ABCB1: variants seen among roughly 807,000 people sequenced by gnomAD.
ABCB1 encodes the protein ATP-dependent translocase ABCB1.
In ABCB1, 69 loss-of-function variants were observed where a neutral mutation model predicts 142.0. The ratio of observed to expected loss-of-function variants is 0.49; its 90% CI spans 0.40 to 0.59. The LOEUF (loss-of-function observed/expected upper bound fraction) is 0.59, where lower values mean the gene tolerates loss of function less well. Ranked by LOEUF, ABCB1 falls within the 20% of genes least tolerant of loss-of-function variation. The pLI, the probability that ABCB1 is intolerant of heterozygous loss-of-function variation, is 0.00. For synonymous variants in ABCB1, 532 were observed against 539.2 expected (o/e 0.99, Z 0.18); for missense variants, 1,326 against 1,554.7 (o/e 0.85, Z 2.47).
At chr7:87,609,671 A>G (rs1819781961) in intron 1 of ABCB1, among the ~76,000 whole-genome samples, 1 of 152,104 alleles carries the variant, frequency 6.6e-6, no homozygotes, top group African/African-American at 2.4e-5. Context: ...TGTCATCTTG[A>G]TTTTATTTTT....
intron 4 of ABCB1, among the ~76,000 whole-genome samples, 182 bp downstream of exon 4, chr7:87,585,330 T>C (rs1368210256): frequency 6.6e-6 from 1 of 152,202 alleles, no homozygotes; most frequent in Non-Finnish European, 1.5e-5. Flanking sequence ...AGTTGTGTGT[T>C]GTAATGCTTG....
chr7:87,505,897 C>A lies in ABCB1; in HGVS notation c.3636G>T (p.Lys1212Asn), dbSNP rs1451623254. The change falls in exon 27 of 28, where the codon AAG becomes AAT. Residue 1212 changes from lysine to asparagine, a missense_variant and splice_region_variant. Physicochemically the swap from Lys to Asn is moderately conservative, Grantham distance 94. Transcript: ENST00000622132. ...ATSALDTESE[K>N]VVQEALDKAR... ...GGATGAACCCAATTTAAATTCTTACCTTTTCACTTTCTGTATCCAGAGCTG... is the reference window on the plus strand; with the variant it reads ...GGATGAACCCAATTTAAATTCTTACATTTTCACTTTCTGTATCCAGAGCTG... The A allele has an allele frequency of 2.5e-6, 4 of 1,614,060 alleles. No homozygotes were observed. Among genetic ancestry groups the A allele is most frequent in the Non-Finnish European group, 3.4e-6 (4 of 1,180,000 alleles).
At chr7:87,546,185 T>C (rs918243537) in intron 14 of ABCB1, among the ~76,000 whole-genome samples, 161 bp from the exon 15 acceptor site, 8 of 152,266 alleles carry the variant, frequency 5.3e-5, no homozygotes, top group African/African-American at 1.9e-4. Context: ...CAATTGATAA[T>C]AGTTAAAAAT....
chr7:87,655,089 T>C (rs574048849), intron 1 of ABCB1, among the ~76,000 whole-genome samples: 1 of 152,234 alleles, frequency 6.6e-6, no homozygotes, highest in African/African-American at 2.4e-5. Flanking sequence ...AATGTAAATT[T>C]AGAACAGCCA....
In ABCB1 at chr7:87,539,257, G is replaced by C. The variant is rs202149508; in HGVS notation, c.2397+11C>G. The stretch of plus-strand genomic sequence containing the variant: ...CTACACATCCCAGGGCACAGCCCTC[G>C]ATAGACATACCTGTCTGAGCATGGA... On this transcript the variant is annotated intron_variant, in intron 19 of 27. Coordinates refer to ENST00000622132, the MANE Select transcript of ABCB1 (RefSeq NM_001348946.2). The C allele has an allele frequency of 6.2e-7, 1 of 1,613,398 alleles. No homozygotes were observed. The highest frequency in any genetic ancestry group is 1.7e-5 in the Admixed American group (1 of 60,024).
In ABCB1 at chr7:87,541,297, C is replaced by T. The variant is rs1012256984; in HGVS notation, c.2319+60G>A. The T allele has an allele frequency of 1.1e-5, 12 of 1,121,342 alleles. No homozygotes were observed. In the African/African-American group the frequency reaches 1.8e-4, roughly 17 times the overall value. 69.5% of individuals were successfully genotyped at this position (1,121,342 alleles called of 1,614,324 possible). The stretch of plus-strand genomic sequence containing the variant: ...CCAATTACACTGATGTTTATAAATC[C>T]CCCCAGTTGAATAATGATGCATTTC... On this transcript the variant is annotated intron_variant, in intron 18 of 27. Coordinates refer to ENST00000622132, the MANE Select transcript of ABCB1 (RefSeq NM_001348946.2).
upstream of ABCB1, among the ~76,000 whole-genome samples, chr7:87,604,899 C>T (rs151224456): frequency 7.7e-3 from 1,175 of 152,248 alleles, 8 homozygotes; most frequent in African/African-American, 0.027. Flanking sequence ...TTTTCAGTAT[C>T]GGCATCTCTC....
intron 21 of ABCB1, chr7:87,521,263 G>A (rs1331138171): frequency 2.8e-6 from 1 of 358,522 alleles, no homozygotes; most frequent in Non-Finnish European, 5.1e-6. Flanking sequence ...AAAATGTGAT[G>A]TTTATATTTT....
At chr7:87,623,295 T>A (rs1210361210) in intron 1 of ABCB1, among the ~76,000 whole-genome samples, 5 of 152,170 alleles carry the variant, frequency 3.3e-5, no homozygotes, top group Non-Finnish European at 7.4e-5. Flanking sequence ...TGATAAAAAA[T>A]TTTAAAAAGA....
intron 1 of ABCB1, among the ~76,000 whole-genome samples, chr7:87,654,610 A>G (rs1252439308): frequency 1.3e-5 from 2 of 152,110 alleles, no homozygotes. Flanking sequence ...TATCTACTAC[A>G]ACTGTAAAAT....
At chr7:87,524,315 A>G (rs770588911) in intron 21 of ABCB1, among the ~76,000 whole-genome samples, 1 of 152,230 alleles carries the variant, frequency 6.6e-6, no homozygotes, top group Non-Finnish European at 1.5e-5. Context: ...ATTTTAAAAT[A>G]TTGTATAAAC....
intron 1 of ABCB1, among the ~76,000 whole-genome samples, chr7:87,678,855 C>T (rs577904014): frequency 3.4e-4 from 51 of 152,052 alleles, no homozygotes; most frequent in African/African-American, 1.2e-3. Context: ...TATTAAAAAG[C>T]AGATTAATTT....
chr7:87,544,350 T>C (rs1033091165), intron 16 of ABCB1, 75 bp from the exon 17 acceptor site: 1 of 1,449,146 alleles, frequency 6.9e-7, no homozygotes, highest in African/African-American at 1.4e-5. Flanking sequence ...GCACAAAAAT[T>C]AGTAAAGGAA....
chr7:87,512,923 G>T (rs1815081209), intron 25 of ABCB1, among the ~76,000 whole-genome samples: 1 of 152,164 alleles, frequency 6.6e-6, no homozygotes, highest in Non-Finnish European at 1.5e-5. Context: ...ATACTTCTGT[G>T]TCTGACCTTT....
In ABCB1 at chr7:87,519,333, C is replaced by T. The variant is rs777591929; in HGVS notation, c.2920G>A (p.Val974Ile). The T allele has an allele frequency of 1.9e-6, 3 of 1,613,906 alleles. No homozygotes were observed. The highest frequency in any genetic ancestry group is 1.3e-5 in the African/African-American group (1 of 74,934). ...VAHKLMSFED[V>I]LLVFSAVVFG... ...TAATAGCCCAATACTTACAACAGAA[C>T]ATCCTCAAAGCTCATGAGTTTATGT... is the stretch of plus-strand genomic sequence containing the variant. Residue 974 changes from valine to isoleucine, a missense_variant, in exon 23 of 28, where the codon GTT (valine) becomes ATT (isoleucine). By Grantham distance (29) the Val-to-Ile change is conservative. Coordinates refer to ENST00000622132, the MANE Select transcript of ABCB1 (RefSeq NM_001348946.2).
intron 1 of ABCB1, among the ~76,000 whole-genome samples, chr7:87,627,326 T>C (rs187965689): frequency 2.6e-5 from 4 of 152,326 alleles, no homozygotes; most frequent in Admixed American, 6.5e-5. Context: ...CTGACATTCT[T>C]TGACAGAAAC....
chr7:87,524,991 G>A (rs1324471285), intron 21 of ABCB1, among the ~76,000 whole-genome samples: 1 of 152,124 alleles, frequency 6.6e-6, no homozygotes, highest in Admixed American at 6.6e-5. Context: ...GCTTTTTAGT[G>A]TGTATATAGC....
At chr7:87,686,738 G>C (rs1192462809) in intron 1 of ABCB1, among the ~76,000 whole-genome samples, 2 of 149,870 alleles carry the variant, frequency 1.3e-5, no homozygotes, top group African/African-American at 4.9e-5. Context: ...CCAGGAGTTT[G>C]AGACCCACCT....
intron 9 of ABCB1, among the ~76,000 whole-genome samples, chr7:87,553,487 A>AT (rs1376337111): frequency 2.6e-5 from 4 of 151,692 alleles, no homozygotes; most frequent in Non-Finnish European, 4.4e-5. Context: ...CGCCCGGCTA[A>AT]TTTTTTGTAT....
Sources: gnomAD v4.1 joint callset for allele counts (sites outside exome capture counted in the v4.1 genomes callset) on GRCh38, gnomAD v4.1.1 for gene constraint, MANE v1.5 for transcripts, NCBI Gene and HGNC (gene_info 2026-07-23, HGNC 2026-07-21) for gene names.